Variants in ERCC8 observed in about 807,000 individuals in gnomAD.
ERCC8 encodes the protein DNA excision repair protein ERCC-8.
Under a neutral mutation model 54.9 loss-of-function variants are expected in ERCC8, and 52 were observed. The observed-to-expected ratio is 0.95, with a 90% confidence interval of 0.76 to 1.19. ERCC8 has a LOEUF of 1.19. ERCC8 is among the 50% of genes most tolerant of loss of function. The probability of loss-of-function intolerance (pLI) is 0.00; values close to 1 mark genes in which losing one functional copy is unlikely to be tolerated. For missense variants in ERCC8, 514 were observed against 466.1 expected, an observed-to-expected ratio of 1.10 and a Z score of -0.95; for synonymous variants, 146 against 157.2, an observed-to-expected ratio of 0.93 and a Z score of 0.53.
In ERCC8 at chr5:60,922,140, ACC is replaced by A. The variant is rs1749618325; in HGVS notation, c.187_188del (p.Gly63PhefsTer9). On this transcript the variant is annotated frameshift_variant, in exon 3 of 12. Transcript: ENST00000676185. LOFTEE classifies it high-confidence loss of function. ...PVEGRYMLSG[G>X]SDGVIVLYDL... ...CATAAAGTACAATCACACCATCTGA[ACC>A]ACCTGATAACATGCTGATAATAAAA... is the stretch of plus-strand genomic sequence containing the variant. 1 of 1,603,544 alleles carries A rather than the reference ACC, an allele frequency of 6.2e-7. No homozygotes were observed. Among genetic ancestry groups the A allele is most frequent in the African/African-American group, 1.3e-5 (1 of 74,674 alleles).
chr5:60,920,361 A>C (rs1749566956), intron 3 of ERCC8, among the ~76,000 whole-genome samples: 1 of 152,008 alleles, frequency 6.6e-6, no homozygotes, highest in Non-Finnish European at 1.5e-5. Context: ...ACAAATTTTT[A>C]ATGTAGTGAT....
intron 2 of ERCC8, among the ~76,000 whole-genome samples, 164 bp downstream of exon 2, chr5:60,928,700 G>A (rs1037878795): frequency 2.6e-5 from 4 of 152,006 alleles, no homozygotes; most frequent in Non-Finnish European, 5.9e-5. Flanking sequence ...TGGTAGGTTC[G>A]ATGTTTTGTA....
At chr5:60,894,471 T>C (rs1748665564) in intron 9 of ERCC8, among the ~76,000 whole-genome samples, 1 of 152,178 alleles carries the variant, frequency 6.6e-6, no homozygotes, top group Non-Finnish European at 1.5e-5. Context: ...AAAGGCTAAG[T>C]GTAAAAAAGC....
intron 10 of ERCC8, among the ~76,000 whole-genome samples, chr5:60,887,979 T>C (rs1170158516): frequency 1.3e-5 from 2 of 152,142 alleles, no homozygotes; most frequent in Admixed American, 6.5e-5. Flanking sequence ...CAGAAGAGCT[T>C]GAAGATGTAT....
At chr5:60,881,667 G>A (rs1044910153) in intron 11 of ERCC8, among the ~76,000 whole-genome samples, 7 of 152,316 alleles carry the variant, frequency 4.6e-5, no homozygotes, top group African/African-American at 1.7e-4. Context: ...GCCAGGCGCA[G>A]GATATAATCT....
At chr5:60,944,711 C>CA (rs1388845315) in intron 1 of ERCC8, among the ~76,000 whole-genome samples, 1 of 44,750 alleles carries the variant, frequency 2.2e-5, no homozygotes, top group Non-Finnish European at 5.3e-5. Context: ...GGGAACCCCC[C>CA]CCCCACCCCC....
At chr5:60,914,755 C>T (rs1339353615) in intron 4 of ERCC8, among the ~76,000 whole-genome samples, 2 of 141,862 alleles carry the variant, frequency 1.4e-5, no homozygotes, top group East Asian at 4.2e-4. Flanking sequence ...CCACTGCACT[C>T]TAGCTTGGGG....
intron 1 of ERCC8, among the ~76,000 whole-genome samples, chr5:60,931,036 G>A (rs1460134230): frequency 1.3e-5 from 2 of 151,906 alleles, no homozygotes; most frequent in Non-Finnish European, 2.9e-5. Flanking sequence ...TTGAACTCAG[G>A]GGACGGAGGT....
chr5:60,922,198 T>C, intron 2 of ERCC8, 43 bp from the exon 3 acceptor site: 1 of 1,289,956 alleles, frequency 7.8e-7, no homozygotes, highest in Middle Eastern at 2.4e-4. Flanking sequence ...TTTTATTTAT[T>C]ATTTAGTCCA....
In ERCC8 at chr5:60,905,008, G is replaced by T. The variant is rs533924190; in HGVS notation, c.400-135C>A. 5 of 476,458 alleles carry T rather than the reference G, an allele frequency of 1.0e-5. No homozygotes were observed. In the South Asian group the frequency reaches 1.2e-4, roughly 11 times the overall value. The allele number at this position is 476,458 out of a possible 1,614,324, so 29.5% of individuals were successfully genotyped here. A position where few individuals can be genotyped will look rare whatever the true frequency, so the allele number is the denominator to read the frequency against. ...AGCAATTCAACTTAAACATAGGAAT[G>T]TAATACCCCAAAAAACCTTGATAAT... On this transcript the variant is annotated intron_variant, in intron 4 of 11. Coordinates refer to ENST00000676185, the MANE Select transcript of ERCC8 (RefSeq NM_000082.4).
intron 2 of ERCC8, among the ~76,000 whole-genome samples, chr5:60,924,001 A>T (rs535472568): frequency 2.6e-5 from 4 of 152,104 alleles, no homozygotes; most frequent in South Asian, 2.1e-4. Context: ...TTTGCTTTTT[A>T]AAAAAATTTT....
chr5:60,880,350 T>G (rs1291157844), intron 11 of ERCC8, among the ~76,000 whole-genome samples: 2 of 152,142 alleles, frequency 1.3e-5, no homozygotes, highest in African/African-American at 4.8e-5. Flanking sequence ...TGTCTTGGAG[T>G]TGCTCTTCTC....
chr5:60,892,812 A>T, intron 9 of ERCC8: 1 of 678,318 alleles, frequency 1.5e-6, no homozygotes, highest in Non-Finnish European at 2.7e-6. Context: ...GAATTTCGTG[A>T]CCCCAGGAAT....
chr5:60,930,158 A>G (rs573160970), intron 1 of ERCC8, among the ~76,000 whole-genome samples: 2 of 152,300 alleles, frequency 1.3e-5, no homozygotes, highest in Admixed American at 1.3e-4. Flanking sequence ...GGCCAGGCGC[A>G]GTGGCTCATG....
At chr5:60,944,247 G>A (rs1409047914) in intron 1 of ERCC8, among the ~76,000 whole-genome samples, 1 of 151,856 alleles carries the variant, frequency 6.6e-6, no homozygotes, top group African/African-American at 2.4e-5. Context: ...TATTCTACTT[G>A]GCAACTCTGT....
In ERCC8 at chr5:60,873,794, T is replaced by A. The variant is rs758873406; in HGVS notation, c.*821A>T. Reference sequence around the variant, plus strand: ...AAGGATCAGGAAGGGAAAATTAAGATTACCTTCATGATAATCACGTGTGGG... The same window carrying A: ...AAGGATCAGGAAGGGAAAATTAAGAATACCTTCATGATAATCACGTGTGGG... On this transcript the variant is annotated 3_prime_UTR_variant, in exon 12 of 12. Coordinates refer to ENST00000676185, the MANE Select transcript of ERCC8 (RefSeq NM_000082.4). The A allele has an allele frequency of 6.6e-6, 1 of 152,176 alleles. No homozygotes were observed. The highest frequency in any genetic ancestry group is 1.5e-5 in the Non-Finnish European group (1 of 68,020). 9.4% of individuals were successfully genotyped at this position (152,176 alleles called of 1,614,324 possible). A position where few individuals can be genotyped will look rare whatever the true frequency, so the allele number is the denominator to read the frequency against.
At position 60,906,224 on chromosome 5, in the gene ERCC8, TG is replaced by T. The variant is rs1328666112; in HGVS notation, c.400-1352del. Among the ~76,000 whole-genome samples, 3 of 151,972 alleles carry T rather than the reference TG, an allele frequency of 2.0e-5. No homozygotes were observed. The East Asian group carries it at 5.9e-4, about 30-fold the overall frequency. On this transcript the variant is annotated intron_variant, in intron 4 of 11. Coordinates refer to ENST00000676185, the MANE Select transcript of ERCC8 (RefSeq NM_000082.4). ...CTAATTTTTGTATTTTTGGTAGAGA[TG>T]GGGTTTTGCCATGTTGCCCAGGCTG...
intron 4 of ERCC8, among the ~76,000 whole-genome samples, chr5:60,913,422 T>G (rs543828821): frequency 5.9e-5 from 9 of 152,252 alleles, no homozygotes; most frequent in Admixed American, 5.2e-4. Flanking sequence ...TGTATTTCTG[T>G]GGGATTGGTG....
chr5:60,895,169 C>CAA (rs5868257), intron 9 of ERCC8, among the ~76,000 whole-genome samples: 17 of 90,776 alleles, frequency 1.9e-4, no homozygotes, highest in Admixed American at 4.9e-4. Context: ...GACTCTACCT[C>CAA]AAAAAAAAAA....
Sources: gnomAD v4.1 joint callset for allele counts (sites outside exome capture counted in the v4.1 genomes callset) on GRCh38, gnomAD v4.1.1 for gene constraint, MANE v1.5 for transcripts, NCBI Gene and HGNC (gene_info 2026-07-23, HGNC 2026-07-21) for gene names.